Variants in AFG1L observed in about 807,000 individuals in gnomAD.
AFG1L encodes the protein AFG1 like ATPase.
A neutral mutation model predicts 62.2 loss-of-function variants in AFG1L; 53 were observed. That is an observed-to-expected ratio of 0.85 (90% CI 0.68 to 1.07). The LOEUF (loss-of-function observed/expected upper bound fraction) is 1.07, where lower values mean the gene tolerates loss of function less well. AFG1L is among the 50% of genes least tolerant of loss of function. The pLI is 0.00. For missense variants in AFG1L, 555 were observed against 590.5 expected (o/e 0.94, Z 0.62); for synonymous variants, 228 against 210.3 (o/e 1.08, Z -0.73).
intron 5 of AFG1L, among the ~76,000 whole-genome samples, chr6:108,364,173 T>C (rs1779659667): frequency 6.6e-6 from 1 of 152,204 alleles, no homozygotes; most frequent in Admixed American, 6.5e-5. Flanking sequence ...CAAGAATGTG[T>C]GGCCAATTGT....
At chr6:108,437,373 C>T (rs1025470531) in intron 7 of AFG1L, among the ~76,000 whole-genome samples, 3 of 152,234 alleles carry the variant, frequency 2.0e-5, no homozygotes, top group South Asian at 4.2e-4. Context: ...CATTTTGGCA[C>T]CTCTGAGAGA....
chr6:108,456,578 ACTAT>A (rs1302173935), intron 8 of AFG1L, among the ~76,000 whole-genome samples: 14 of 152,002 alleles, frequency 9.2e-5, no homozygotes, highest in African/African-American at 3.4e-4. Context: ...TACCATCACC[ACTAT>A]CTAATTTCAG....
In AFG1L at chr6:108,337,746, AT is replaced by A. The variant is rs754629758; in HGVS notation, c.364-9241del. Among the ~76,000 whole-genome samples, 74 of 152,360 alleles carry A rather than the reference AT, an allele frequency of 4.9e-4. 1 individual carries two copies. The highest frequency in any genetic ancestry group is 1.6e-4 in the Non-Finnish European group (11 of 68,046). ...ATATCATATATTATGGGTAGTAACA[AT>A]GAGGTATATTGAAATAAATAATCAA... On this transcript the variant is annotated intron_variant, in intron 2 of 12. Coordinates refer to ENST00000368977, the MANE Select transcript of AFG1L (RefSeq NM_145315.5).
chr6:108,399,354 A>C (rs1781461221), intron 6 of AFG1L, among the ~76,000 whole-genome samples: 1 of 150,782 alleles, frequency 6.6e-6, no homozygotes. Flanking sequence ...CACCCCACTA[A>C]TTTTTGTAGT....
At position 108,363,758 on chromosome 6, in the gene AFG1L, A is replaced by G. The variant is rs566088069; in HGVS notation, c.649-2475A>G. 7.9e-5 allele frequency among the ~76,000 whole-genome samples: 12 copies of G among 152,158 alleles called. No individual in the cohort carries two copies. In the South Asian group the frequency reaches 1.2e-3, roughly 16 times the overall value. On this transcript the variant is annotated intron_variant, in intron 5 of 12. Coordinates refer to ENST00000368977, the MANE Select transcript of AFG1L (RefSeq NM_145315.5). ...AGAAGATCATGCAAAATTCTCCTCT[A>G]TCAGCTATCAATATCATTTAAAAAA...
At chr6:108,337,602 G>A (rs912173947) in intron 2 of AFG1L, among the ~76,000 whole-genome samples, 1 of 152,122 alleles carries the variant, frequency 6.6e-6, no homozygotes, top group African/African-American at 2.4e-5. Context: ...AAGGCCTAAG[G>A]TTAGCAGAAA....
intron 1 of AFG1L, among the ~76,000 whole-genome samples, chr6:108,323,274 GC>G (rs756099488): frequency 1.4e-4 from 22 of 152,298 alleles, no homozygotes; most frequent in Non-Finnish European, 2.5e-4. Flanking sequence ...GTAGGAATAG[GC>G]CTTCTGGAAG....
chr6:108,297,874 A>G (rs1009512216), intron 1 of AFG1L, among the ~76,000 whole-genome samples: 1 of 150,500 alleles, frequency 6.6e-6, no homozygotes, highest in Admixed American at 6.6e-5. Flanking sequence ...AAAAAAAAAA[A>G]AAAAAGGAAA....
At chr6:108,417,290 A>C (rs941408380) in intron 7 of AFG1L, among the ~76,000 whole-genome samples, 18 of 105,542 alleles carry the variant, frequency 1.7e-4, no homozygotes, top group Non-Finnish European at 3.2e-4. Flanking sequence ...ACACACACAA[A>C]AAAAAAACGG....
intron 11 of AFG1L, among the ~76,000 whole-genome samples, chr6:108,511,064 G>T (rs1475663068): frequency 6.7e-6 from 1 of 150,294 alleles, no homozygotes; most frequent in Non-Finnish European, 1.5e-5. Context: ...TTCCAGCCTG[G>T]GTGACAGAGT....
rs752929185 is a variant in AFG1L, at chr6:108,477,256, C to T, written c.1026C>T (p.Thr342=). The part of the protein sequence containing the change: ...RELRLNKACG[T]VADCTFEELC... ...TGCGCCTGAATAAAGCCTGTGGAAC[C>T]GTTGCCGACTGCACATTTGAAGAGC... The change falls in exon 10 of 13, where the codon ACC becomes ACT. Residue 342 remains threonine (T), a synonymous_variant. Coordinates refer to ENST00000368977, the MANE Select transcript of AFG1L (RefSeq NM_145315.5). 5.6e-6 allele frequency: 9 copies of T among 1,609,480 alleles called. No homozygotes were observed. The highest frequency in any genetic ancestry group is 2.7e-5 in the African/African-American group (2 of 74,798).
chr6:108,446,212 T>C (rs955840622), intron 7 of AFG1L, among the ~76,000 whole-genome samples: 1 of 152,078 alleles, frequency 6.6e-6, no homozygotes, highest in Admixed American at 6.5e-5. Context: ...GTGTGGTGTA[T>C]GTGCTTGTGT....
chr6:108,490,856 A>G (rs1209333602), intron 10 of AFG1L, among the ~76,000 whole-genome samples: 1 of 152,198 alleles, frequency 6.6e-6, no homozygotes, highest in Non-Finnish European at 1.5e-5. Context: ...ACCTTCTCTA[A>G]GAATATCTCT....
At chr6:108,387,137 T>TA (rs1414680188) in intron 6 of AFG1L, among the ~76,000 whole-genome samples, 1 of 152,226 alleles carries the variant, frequency 6.6e-6, no homozygotes, top group Non-Finnish European at 1.5e-5. Flanking sequence ...TGCAAAAAGA[T>TA]ATAGCATCCA....
intron 10 of AFG1L, among the ~76,000 whole-genome samples, chr6:108,485,657 T>TATA (rs869070532): frequency 5.4e-3 from 68 of 12,496 alleles, no homozygotes; most frequent in South Asian, 0.017. Flanking sequence ...TATATATATA[T>TATA]TTTTTTTTTT....
In AFG1L at chr6:108,525,726, AC is replaced by A. The variant is rs1775295603; in HGVS notation, c.*3302del. On this transcript the variant is annotated 3_prime_UTR_variant, in exon 13 of 13. Coordinates refer to ENST00000368977, the MANE Select transcript of AFG1L (RefSeq NM_145315.5). Reference sequence around the variant, plus strand: ...AGCTGAGACACAGAAAACAGCTAAAACAGATTAATGAATTGCTAAGATATAA... The same window carrying A: ...AGCTGAGACACAGAAAACAGCTAAAAAGATTAATGAATTGCTAAGATATAA... The A allele has an allele frequency of 6.6e-6, 1 of 152,266 alleles. No homozygotes were observed. The highest frequency in any genetic ancestry group is 2.4e-5 in the African/African-American group (1 of 41,464). The allele number at this position is 152,266 out of a possible 1,614,324, so 9.4% of individuals were successfully genotyped here.
chr6:108,439,532 C>A (rs1481395750), intron 7 of AFG1L, among the ~76,000 whole-genome samples: 1 of 152,084 alleles, frequency 6.6e-6, no homozygotes, highest in Admixed American at 6.6e-5. Context: ...TGTATGATTT[C>A]ACTTATAAAA....
intron 11 of AFG1L, among the ~76,000 whole-genome samples, chr6:108,511,321 GT>G (rs1364633128): frequency 6.6e-6 from 1 of 152,136 alleles, no homozygotes; most frequent in Non-Finnish European, 1.5e-5. Context: ...CTTGTTGTTT[GT>G]TTGTTTTTAA....
intron 11 of AFG1L, among the ~76,000 whole-genome samples, chr6:108,511,089 CAA>C (rs532017667): frequency 3.5e-4 from 26 of 74,004 alleles, no homozygotes; most frequent in Non-Finnish European, 3.2e-4. Flanking sequence ...CCCTATCTCT[CAA>C]AAAAAAAAAA....
Sources: gnomAD v4.1 joint callset for allele counts (sites outside exome capture counted in the v4.1 genomes callset) on GRCh38, gnomAD v4.1.1 for gene constraint, MANE v1.5 for transcripts, NCBI Gene and HGNC (gene_info 2026-07-23, HGNC 2026-07-21) for gene names.